CTNNA2: variants seen among roughly 807,000 people sequenced by gnomAD.
The protein encoded by CTNNA2 is catenin alpha-2.
A neutral mutation model predicts 101.0 loss-of-function variants in CTNNA2; 42 were observed. That is an observed-to-expected ratio of 0.42 (90% CI 0.32 to 0.54). The LOEUF (loss-of-function observed/expected upper bound fraction) is 0.54, where lower values mean the gene tolerates loss of function less well. Ranked by LOEUF, CTNNA2 falls within the 20% of genes least tolerant of loss-of-function variation. The pLI, the probability that CTNNA2 is intolerant of heterozygous loss-of-function variation, is 0.14. For synonymous variants in CTNNA2, 450 were observed against 456.4 expected, an observed-to-expected ratio of 0.99 and a Z score of 0.18; for missense variants, 871 against 1,223.1, an observed-to-expected ratio of 0.71 and a Z score of 4.29.
intron 3 of CTNNA2, among the ~76,000 whole-genome samples, chr2:79,324,009 T>G (rs1214639655): frequency 6.6e-6 from 1 of 152,174 alleles, no homozygotes; most frequent in South Asian, 2.1e-4. Flanking sequence ...AGCTGCCATC[T>G]TTTGGATTTC....
intron 4 of CTNNA2, among the ~76,000 whole-genome samples, chr2:79,492,957 T>A (rs1235464277): frequency 2.6e-5 from 4 of 151,968 alleles, no homozygotes; most frequent in Non-Finnish European, 1.5e-5. Flanking sequence ...AAAGCAAAAA[T>A]CACAACATCA....
intron 8 of CTNNA2, among the ~76,000 whole-genome samples, chr2:80,401,775 G>A (rs1161343550): frequency 6.7e-6 from 1 of 149,226 alleles, no homozygotes; most frequent in Non-Finnish European, 1.5e-5. Flanking sequence ...GAAAATCCAT[G>A]TTTGAGGCTT....
intron 9 of CTNNA2, among the ~76,000 whole-genome samples, chr2:80,517,159 C>T (rs1689173469): frequency 1.3e-5 from 2 of 152,174 alleles, no homozygotes; most frequent in Admixed American, 6.5e-5. Flanking sequence ...TTGTTTTCTG[C>T]AAATGGGAGA....
intron 15 of CTNNA2, among the ~76,000 whole-genome samples, chr2:80,594,677 A>C (rs1215518658): frequency 6.6e-6 from 1 of 152,060 alleles, no homozygotes; most frequent in East Asian, 1.9e-4. Context: ...GTTAATTTTT[A>C]AATGAGGTAT....
rs1284072721 is a variant in CTNNA2 at position 80,306,363 on chromosome 2, T to TTTTC, written c.1057-86832_1057-86829dup. ...CAGCTTGCAACTGGCACAGATGGTTTTTTCTTTCTTTCTTTCTTTTCTTTT... is the reference window on the plus strand; with the variant it reads ...CAGCTTGCAACTGGCACAGATGGTTTTTTCTTTCTTTCTTTCTTTCTTTTCTTTT... On this transcript the variant is annotated intron_variant, in intron 7 of 18. Coordinates refer to ENST00000402739, the MANE Select transcript of CTNNA2 (RefSeq NM_001282597.3). Among the ~76,000 whole-genome samples, 481 of 148,666 alleles carry TTTTC rather than the reference T, an allele frequency of 3.2e-3. 3 individuals are homozygous for TTTTC. The highest frequency in any genetic ancestry group is 5.5e-3 in the East Asian group (28 of 5,080).
Position 80,648,316 on chromosome 2 carries a change from T to C in CTNNA2, c.*444T>C, listed in dbSNP as rs1378701559. 1.3e-5 allele frequency: 2 copies of C among 154,238 alleles called. No individual in the cohort carries two copies. Among genetic ancestry groups the C allele is most frequent in the African/African-American group, 2.4e-5 (1 of 41,466 alleles). 9.6% of individuals were successfully genotyped at this position (154,238 alleles called of 1,614,324 possible). ...CTTCTGTTTCAGTGCAAAAATGTAC[T>C]AGCCAATACGCTTAAGTGTGTGGCC... On this transcript the variant is annotated 3_prime_UTR_variant, in exon 19 of 19. Coordinates refer to ENST00000402739, the MANE Select transcript of CTNNA2 (RefSeq NM_001282597.3).
At chr2:80,645,238 CTG>C (rs1340835222) in intron 18 of CTNNA2, among the ~76,000 whole-genome samples, 1 of 152,154 alleles carries the variant, frequency 6.6e-6, no homozygotes, top group Non-Finnish European at 1.5e-5. Flanking sequence ...TTACAGAGAA[CTG>C]TGCATTGGCC....
intron 15 of CTNNA2, among the ~76,000 whole-genome samples, chr2:80,590,838 T>C (rs1360731592): frequency 6.6e-6 from 1 of 152,186 alleles, no homozygotes; most frequent in African/African-American, 2.4e-5. Context: ...CACATTTATT[T>C]CACAAAGCGT....
At chr2:79,660,556 A>C (rs980625475) in intron 2 of CTNNA2, among the ~76,000 whole-genome samples, 1 of 152,152 alleles carries the variant, frequency 6.6e-6, no homozygotes, top group African/African-American at 2.4e-5. Flanking sequence ...ATGTTTTTAC[A>C]GTAGGTATGT....
At chr2:79,829,582 T>TA (rs969781334) in intron 3 of CTNNA2, among the ~76,000 whole-genome samples, 5 of 151,006 alleles carry the variant, frequency 3.3e-5, no homozygotes, top group African/African-American at 7.3e-5. Flanking sequence ...ATAAAATAAT[T>TA]AAAAAAAAGA....
At chr2:79,517,515 C>T (rs1474507591) in intron 1 of CTNNA2, among the ~76,000 whole-genome samples, 1 of 152,034 alleles carries the variant, frequency 6.6e-6, no homozygotes, top group Non-Finnish European at 1.5e-5. Flanking sequence ...AACTAACAGA[C>T]CATAGACTGT....
At chr2:79,763,145 T>G (rs1672914273) in intron 3 of CTNNA2, among the ~76,000 whole-genome samples, 1 of 152,212 alleles carries the variant, frequency 6.6e-6, no homozygotes, top group African/African-American at 2.4e-5. Flanking sequence ...CTTTCCTTGT[T>G]AATGAAGTCT....
chr2:79,868,027 T>C (rs1258538017), intron 4 of CTNNA2, among the ~76,000 whole-genome samples: 1 of 152,218 alleles, frequency 6.6e-6, no homozygotes, highest in African/African-American at 2.4e-5. Context: ...ACTATAACAA[T>C]GTTTTAAAAG....
Position 79,973,858 on chromosome 2 carries a change from C to T in CTNNA2, c.1056+64061C>T, listed in dbSNP as rs568868979. Among the ~76,000 whole-genome samples, 3 of 152,264 alleles carry T rather than the reference C, an allele frequency of 2.0e-5. No homozygotes were observed. The South Asian group carries it at 6.2e-4, about 32-fold the overall frequency. On this transcript the variant is annotated intron_variant, in intron 7 of 18. Coordinates refer to ENST00000402739, the MANE Select transcript of CTNNA2 (RefSeq NM_001282597.3). ...CTGGGCTTGTGTCTTCACAGAAGTA[C>T]CTGATAGTCCAGAAGTTCAAACAGA...
At chr2:80,379,433 G>T (rs542822105) in intron 7 of CTNNA2, among the ~76,000 whole-genome samples, 1 of 152,238 alleles carries the variant, frequency 6.6e-6, no homozygotes, top group Admixed American at 6.5e-5. Flanking sequence ...TTGTTTTAGT[G>T]TGTCAGAAAG....
At chr2:79,690,391 T>G (rs1275108447) in intron 2 of CTNNA2, among the ~76,000 whole-genome samples, 1 of 152,056 alleles carries the variant, frequency 6.6e-6, no homozygotes, top group East Asian at 1.9e-4. Context: ...AAAGAAAACC[T>G]TAGAATGTGT....
intron 18 of CTNNA2, among the ~76,000 whole-genome samples, chr2:80,639,513 A>ATGTGTATGTGTGTG (rs1673228298): frequency 6.8e-6 from 1 of 147,408 alleles, no homozygotes; most frequent in East Asian, 2.0e-4. Context: ...CCCAGCCTTG[A>ATGTGTATGTGTGTG]TGTGTGTGTG....
chr2:79,295,999 G>T (rs1374047293), intron 2 of CTNNA2, among the ~76,000 whole-genome samples: 1 of 106,314 alleles, frequency 9.4e-6, no homozygotes, highest in Non-Finnish European at 1.8e-5. Flanking sequence ...ATTTCCAAAG[G>T]CAGAAATTTT....
intron 2 of CTNNA2, among the ~76,000 whole-genome samples, chr2:79,652,322 G>C (rs987461722): frequency 6.6e-6 from 1 of 151,546 alleles, no homozygotes; most frequent in African/African-American, 2.4e-5. Flanking sequence ...CTACTTAGTG[G>C]CTTGAAGCAG....
Sources: gnomAD v4.1 joint callset for allele counts (sites outside exome capture counted in the v4.1 genomes callset) on GRCh38, gnomAD v4.1.1 for gene constraint, MANE v1.5 for transcripts, NCBI Gene and HGNC (gene_info 2026-07-23, HGNC 2026-07-21) for gene names.